Variants in KCNIP4 observed in about 807,000 individuals in gnomAD.
The protein encoded by KCNIP4 is potassium voltage-gated channel interacting protein 4, also known as Kv channel-interacting protein 4.
KCNIP4 carries 12 observed loss-of-function variants against 34.0 expected under a neutral mutation model. That is an observed-to-expected ratio of 0.35 (90% CI 0.23 to 0.57). The LOEUF (loss-of-function observed/expected upper bound fraction) is 0.57, where lower values mean the gene tolerates loss of function less well. KCNIP4 is among the 20% of genes least tolerant of loss of function. The pLI is 0.83. For synonymous variants in KCNIP4, 124 were observed against 102.2 expected, an observed-to-expected ratio of 1.21 and a Z score of -1.29; for missense variants, 238 against 311.7, an observed-to-expected ratio of 0.76 and a Z score of 1.78.
intron 1 of KCNIP4, among the ~76,000 whole-genome samples, chr4:21,665,520 C>G (rs115032374): frequency 0.022 from 3,277 of 150,250 alleles, 113 homozygotes; most frequent in African/African-American, 0.076. Context: ...CACCCCCCCC[C>G]CCTCATTTTA....
chr4:21,504,504 AAAGG>A (rs1288325980), intron 1 of KCNIP4, among the ~76,000 whole-genome samples: 60 of 133,628 alleles, frequency 4.5e-4, no homozygotes, highest in African/African-American at 6.1e-4. Flanking sequence ...AGAAAGAAAG[AAAGG>A]AAGGAAGGAA....
intron 4 of KCNIP4, among the ~76,000 whole-genome samples, chr4:20,754,175 C>G (rs1487904451): frequency 1.3e-5 from 2 of 152,094 alleles, no homozygotes; most frequent in African/African-American, 4.8e-5. Flanking sequence ...ATACTTTATC[C>G]CCTGCCAACA....
intron 1 of KCNIP4, among the ~76,000 whole-genome samples, chr4:21,488,219 C>T (rs1255800689): frequency 6.6e-6 from 1 of 152,108 alleles, no homozygotes; most frequent in South Asian, 2.1e-4. Context: ...CATTACCACA[C>T]AGATCATTCT....
At chr4:20,824,912 T>C (rs1717548943) in intron 3 of KCNIP4, among the ~76,000 whole-genome samples, 1 of 152,194 alleles carries the variant, frequency 6.6e-6, no homozygotes, top group Non-Finnish European at 1.5e-5. Flanking sequence ...TTAAGTATTA[T>C]CTTTTACCCT....
chr4:20,892,415 G>A (rs1165799530), intron 1 of KCNIP4, among the ~76,000 whole-genome samples: 2 of 151,878 alleles, frequency 1.3e-5, no homozygotes, highest in African/African-American at 4.8e-5. Flanking sequence ...CTCTTTCTTA[G>A]TCTTTGTGCC....
At chr4:21,124,054 C>T (rs1280626713) in intron 1 of KCNIP4, among the ~76,000 whole-genome samples, 1 of 143,198 alleles carries the variant, frequency 7.0e-6, no homozygotes, top group African/African-American at 2.6e-5. Context: ...AAAAAAAAAA[C>T]AACAAAAAAA....
At chr4:20,841,906 C>A (rs1393075790) in intron 3 of KCNIP4, among the ~76,000 whole-genome samples, 2 of 152,044 alleles carry the variant, frequency 1.3e-5, no homozygotes, top group Non-Finnish European at 2.9e-5. Flanking sequence ...CTAGAAAGTC[C>A]TTTTTTCTAC....
intron 1 of KCNIP4, chr4:21,853,289 T>C (rs1355691971): frequency 6.6e-6 from 1 of 152,136 alleles, no homozygotes; most frequent in Non-Finnish European, 1.5e-5. Context: ...GGCTCTAATA[T>C]TTTACTGTCA....
At chr4:21,592,933 T>G (rs1273938487) in intron 1 of KCNIP4, among the ~76,000 whole-genome samples, 2 of 152,104 alleles carry the variant, frequency 1.3e-5, no homozygotes, top group African/African-American at 2.4e-5. Flanking sequence ...CATGGCTGTA[T>G]GAGGCCTCCA....
chr4:20,932,927 G>T (rs1371442910), intron 1 of KCNIP4, among the ~76,000 whole-genome samples: 1 of 152,066 alleles, frequency 6.6e-6, no homozygotes, highest in African/African-American at 2.4e-5. Flanking sequence ...CATAGCTTAA[G>T]TATTGGAACT....
chr4:21,632,327 C>T (rs1403285001), intron 1 of KCNIP4, among the ~76,000 whole-genome samples: 1 of 152,184 alleles, frequency 6.6e-6, no homozygotes, highest in African/African-American at 2.4e-5. Flanking sequence ...GATCCTCCTT[C>T]CTCAGCCTCC....
rs190840807 is a variant in KCNIP4 at position 21,346,815 on chromosome 4, A to C, written c.62-464106T>G. Among the ~76,000 whole-genome samples the C allele has an allele frequency of 2.8e-3, 424 of 149,432 alleles. 3 individuals are homozygous for C. The highest frequency in any genetic ancestry group is 0.01 in the African/African-American group (405 of 38,942). On this transcript the variant is annotated intron_variant, in intron 1 of 8. Transcript: ENST00000382152. ...GTACAACAGCAAAACTATAACATAC[A>C]ATTTAAGAGAGCAACTGTAGATTTT...
At position 21,827,427 on chromosome 4, in the gene KCNIP4, A is replaced by T. The variant is rs143468809; in HGVS notation, c.61+121144T>A. On this transcript the variant is annotated intron_variant, in intron 1 of 8. Coordinates refer to ENST00000382152, the MANE Select transcript of KCNIP4 (RefSeq NM_025221.6). ...TTGCAGTATAGAAGAAACAGTCCTA[A>T]GGCTTAACAAAATACTTTTAAAAAT... Among the ~76,000 whole-genome samples the T allele has an allele frequency of 7.2e-5, 11 of 152,158 alleles. 1 individual carries two copies. Among genetic ancestry groups the T allele is most frequent in the African/African-American group, 2.6e-4 (11 of 41,576 alleles).
intron 1 of KCNIP4, among the ~76,000 whole-genome samples, chr4:21,158,471 T>C (rs1006833055): frequency 2.0e-5 from 3 of 152,184 alleles, no homozygotes; most frequent in Non-Finnish European, 2.9e-5. Context: ...GTGGGGCTTA[T>C]CTCAGGAATG....
chr4:21,234,431 TATAACGTATATAATATATATTA>T (rs1759173412), intron 1 of KCNIP4, among the ~76,000 whole-genome samples: 1 of 103,426 alleles, frequency 9.7e-6, no homozygotes, highest in African/African-American at 3.6e-5. Context: ...ATATATTACA[TATAACGTATATAATATATATTA>T]CATATAACGT....
chr4:21,112,764 G>A (rs1343488393), intron 1 of KCNIP4, among the ~76,000 whole-genome samples: 1 of 152,146 alleles, frequency 6.6e-6, no homozygotes, highest in Non-Finnish European at 1.5e-5. Context: ...AATATAATCT[G>A]TAGTGTATTT....
intron 1 of KCNIP4, among the ~76,000 whole-genome samples, chr4:21,101,263 C>T (rs972741941): frequency 2.6e-5 from 4 of 152,100 alleles, no homozygotes; most frequent in Non-Finnish European, 2.9e-5. Flanking sequence ...CCAGGTCTCT[C>T]CATGTTGCTT....
chr4:20,893,515 T>C (rs1164685979), intron 1 of KCNIP4, among the ~76,000 whole-genome samples: 2 of 151,802 alleles, frequency 1.3e-5, no homozygotes, highest in Non-Finnish European at 2.9e-5. Flanking sequence ...CTCGAACTCC[T>C]GGGCTCAAGT....
intron 1 of KCNIP4, among the ~76,000 whole-genome samples, chr4:21,183,281 T>C (rs373497765): frequency 1.4e-4 from 22 of 152,170 alleles, no homozygotes; most frequent in Admixed American, 2.6e-4. Flanking sequence ...AGTCTAGCCA[T>C]TGTGAATAAT....
Sources: gnomAD v4.1 joint callset for allele counts (sites outside exome capture counted in the v4.1 genomes callset) on GRCh38, gnomAD v4.1.1 for gene constraint, MANE v1.5 for transcripts, NCBI Gene and HGNC (gene_info 2026-07-23, HGNC 2026-07-21) for gene names.